GOLIM4: variants seen among roughly 807,000 people sequenced by gnomAD.
The protein encoded by GOLIM4 is golgi integral membrane protein 4, also known as 130 kDa golgi-localized phosphoprotein.
Under a neutral mutation model 107.4 loss-of-function variants are expected in GOLIM4, and 71 were observed. The observed-to-expected ratio is 0.66, with a 90% confidence interval of 0.55 to 0.81. GOLIM4 has a LOEUF of 0.81. Among genes scored for constraint, GOLIM4 ranks in the 30% least tolerant of loss-of-function variants. The pLI is 0.00. For synonymous variants in GOLIM4, 327 were observed against 294.8 expected (o/e 1.11, Z -1.12); for missense variants, 830 against 826.1 (o/e 1.00, Z -0.06).
intron 1 of GOLIM4, among the ~76,000 whole-genome samples, chr3:168,068,376 TA>T (rs200770845): frequency 7.2e-4 from 109 of 151,074 alleles, no homozygotes; most frequent in Non-Finnish European, 1.2e-3. Context: ...AAAATAAAAT[TA>T]AAAAAAAAAT....
intron 1 of GOLIM4, among the ~76,000 whole-genome samples, chr3:168,064,602 ATTT>A (rs202087898): frequency 6.9e-6 from 1 of 144,474 alleles, no homozygotes; most frequent in Non-Finnish European, 1.5e-5. Flanking sequence ...ATACTTGGGG[ATTT>A]TTTTTTTTTT....
At chr3:168,067,438 A>G (rs927624537) in intron 1 of GOLIM4, among the ~76,000 whole-genome samples, 3 of 151,504 alleles carry the variant, frequency 2.0e-5, no homozygotes, top group Admixed American at 6.6e-5. Flanking sequence ...ACACACACGC[A>G]CACACACACA....
At chr3:168,070,538 T>C (rs944840320) in intron 1 of GOLIM4, among the ~76,000 whole-genome samples, 3 of 152,230 alleles carry the variant, frequency 2.0e-5, no homozygotes, top group Non-Finnish European at 4.4e-5. Flanking sequence ...GTCTCTAAAG[T>C]AATTTTCTAT....
At chr3:168,036,175 C>G (rs1394947267) in intron 8 of GOLIM4, among the ~76,000 whole-genome samples, 1 of 152,212 alleles carries the variant, frequency 6.6e-6, no homozygotes, top group Non-Finnish European at 1.5e-5. Context: ...TTGAAAAACT[C>G]AGATACTACA....
chr3:168,051,130 C>T (rs1019324483), intron 1 of GOLIM4, among the ~76,000 whole-genome samples: 1 of 152,006 alleles, frequency 6.6e-6, no homozygotes, highest in African/African-American at 2.4e-5. Flanking sequence ...TTAGGAAGGA[C>T]AGAACTCATC....
At chr3:168,044,268 T>A (rs1304228856) in intron 4 of GOLIM4, among the ~76,000 whole-genome samples, 1 of 152,350 alleles carries the variant, frequency 6.6e-6, no homozygotes, top group African/African-American at 2.4e-5. Context: ...CGGCATGATC[T>A]GCATCCTGCG....
At chr3:168,030,662 A>T (rs921983340) in intron 9 of GOLIM4, among the ~76,000 whole-genome samples, 26 of 152,154 alleles carry the variant, frequency 1.7e-4, no homozygotes, top group Non-Finnish European at 2.9e-5. Context: ...TGCTTCCCTG[A>T]GATATTATCT....
At chr3:168,020,672 A>G (rs947060028) in intron 14 of GOLIM4, among the ~76,000 whole-genome samples, 23 of 152,314 alleles carry the variant, frequency 1.5e-4, no homozygotes, top group Admixed American at 1.4e-3. Context: ...ACTGATTTCA[A>G]CGACTCTTTA....
At position 168,009,471 on chromosome 3, in the gene GOLIM4, A is replaced by AAAC. The variant is rs1467761527; in HGVS notation, c.*795_*797dup. ...AAATTGAGAATGGGTGCTCGCATAG[A>AAAC]AACACCACACGCAAACACTCATTAG... On this transcript the variant is annotated 3_prime_UTR_variant, in exon 16 of 16. Coordinates refer to ENST00000470487, the MANE Select transcript of GOLIM4 (RefSeq NM_014498.5). 7.3e-6 allele frequency: 1 copy of AAAC among 136,710 alleles called. No individual in the cohort carries two copies. The highest frequency in any genetic ancestry group is 2.5e-4 in the East Asian group (1 of 3,976). The allele number at this position is 136,710 out of a possible 1,614,324, so 8.5% of individuals were successfully genotyped here. A position where few individuals can be genotyped will look rare whatever the true frequency, so the allele number is the denominator to read the frequency against.
chr3:168,037,199 G>A (rs1718704092), intron 7 of GOLIM4, among the ~76,000 whole-genome samples: 1 of 152,042 alleles, frequency 6.6e-6, no homozygotes, highest in South Asian at 2.1e-4. Context: ...CAGAGCTGAA[G>A]GAAACAGAAA....
At chr3:168,046,888 T>C in intron 3 of GOLIM4, 62 bp downstream of exon 3, 1 of 890,134 alleles carries the variant, frequency 1.1e-6, no homozygotes, top group Non-Finnish European at 1.7e-6. Context: ...TCTCTCTCTT[T>C]CAAGTTTTAT....
chr3:168,064,901 T>C lies in GOLIM4; in HGVS notation c.188-16536A>G, dbSNP rs1720464102. Among the ~76,000 whole-genome samples, 6 of 152,080 alleles carry C rather than the reference T, an allele frequency of 3.9e-5. No individual in the cohort carries two copies. The South Asian group carries it at 1.2e-3, about 32-fold the overall frequency. On this transcript the variant is annotated intron_variant, in intron 1 of 15. Transcript: ENST00000470487. ...TTTCTTTTCAACCTTATTCATAGAA[T>C]TTAGATTAAAGCTACCGAATATAAC...
intron 7 of GOLIM4, among the ~76,000 whole-genome samples, chr3:168,038,488 A>G (rs892555512): frequency 1.6e-4 from 24 of 152,330 alleles, no homozygotes; most frequent in African/African-American, 5.3e-4. Context: ...TTAAGAGTTA[A>G]GCGTGATTTC....
intron 1 of GOLIM4, among the ~76,000 whole-genome samples, chr3:168,089,393 G>A (rs540979629): frequency 6.6e-6 from 1 of 152,320 alleles, no homozygotes; most frequent in Non-Finnish European, 1.5e-5. Flanking sequence ...GAACCACTCT[G>A]TTGTATATGT....
intron 1 of GOLIM4, among the ~76,000 whole-genome samples, chr3:168,058,983 G>T (rs1403479512): frequency 3.3e-5 from 5 of 152,100 alleles, no homozygotes; most frequent in East Asian, 1.9e-4. Flanking sequence ...AGAGGCAGAG[G>T]GGAAGCGAGA....
chr3:168,094,551 C>T (rs1722065020), intron 1 of GOLIM4, among the ~76,000 whole-genome samples: 1 of 152,208 alleles, frequency 6.6e-6, no homozygotes, highest in African/African-American at 2.4e-5. Context: ...AAGAAACTAG[C>T]AGGTCCAGAT....
At chr3:168,055,821 G>A (rs933715839) in intron 1 of GOLIM4, among the ~76,000 whole-genome samples, 2 of 142,544 alleles carry the variant, frequency 1.4e-5, no homozygotes, top group East Asian at 3.9e-4. Context: ...AAAAAAAGAG[G>A]TGACTCAGGT....
chr3:168,094,309 G>A (rs1462709620), intron 1 of GOLIM4, among the ~76,000 whole-genome samples: 1 of 152,184 alleles, frequency 6.6e-6, no homozygotes, highest in Admixed American at 6.5e-5. Flanking sequence ...TGCTCAAGTT[G>A]GGTTTGCTGT....
chr3:168,036,220 G>A (rs1331722731), intron 8 of GOLIM4, among the ~76,000 whole-genome samples: 1 of 152,128 alleles, frequency 6.6e-6, no homozygotes, highest in Non-Finnish European at 1.5e-5. Flanking sequence ...CATGAATAAA[G>A]ACAAAGCCAT....
Sources: allele counts gnomAD v4.1 joint callset (sites outside exome capture counted in the v4.1 genomes callset), GRCh38; gene constraint gnomAD v4.1.1; transcripts MANE v1.5; gene names NCBI Gene and HGNC (gene_info 2026-07-23, HGNC 2026-07-21).